The following TMEM39B variants were observed in gnomAD, a reference collection of about 807,000 sequenced individuals.
TMEM39B encodes transmembrane protein 39B.
A neutral mutation model predicts 52.2 loss-of-function variants in TMEM39B; 23 were observed. The observed-to-expected ratio is 0.44, with a 90% CI of 0.32 to 0.62. The LOEUF is 0.62. TMEM39B is among the 20% of genes least tolerant of loss of function. The probability of loss-of-function intolerance (pLI) is 0.06; values close to 1 mark genes in which losing one functional copy is unlikely to be tolerated. For synonymous variants in TMEM39B, 285 were observed against 264.0 expected, an observed-to-expected ratio of 1.08 and a Z score of -0.77; for missense variants, 547 against 642.0, an observed-to-expected ratio of 0.85 and a Z score of 1.60.
At chr1:32,082,976 G>A (rs373419255) in intron 5 of TMEM39B, among the ~76,000 whole-genome samples, 1 of 149,398 alleles carries the variant, frequency 6.7e-6, no homozygotes, top group East Asian at 1.9e-4. Flanking sequence ...GGGTTTCACC[G>A]TGTTAGCCAG....
rs971367539 is a variant in TMEM39B at position 32,073,461 on chromosome 1, G to A, written c.4+410G>A. 1.2e-5 allele frequency: 10 copies of A among 836,728 alleles called. No individual in the cohort carries two copies. The South Asian group carries it at 2.1e-4, about 17-fold the overall frequency. 51.8% of individuals were successfully genotyped at this position (836,728 alleles called of 1,614,324 possible). A position where few individuals can be genotyped will look rare whatever the true frequency, so the allele number is the denominator to read the frequency against. On this transcript the variant is annotated intron_variant, in intron 1 of 8. Transcript: ENST00000336294. Reference sequence around the variant, plus strand: ...AGCGGGGAGACTTCCGACTGAGGGAGCCCATTCTGGAGTGGGGCTTCTGGG... The same window carrying A: ...AGCGGGGAGACTTCCGACTGAGGGAACCCATTCTGGAGTGGGGCTTCTGGG...
At chr1:32,095,689 T>G (rs1337461581) in intron 7 of TMEM39B, 1 of 152,538 alleles carries the variant, frequency 6.6e-6, no homozygotes, top group African/African-American at 2.4e-5. Flanking sequence ...CAGGATCACC[T>G]CGGAAGCACA....
Position 32,075,617 on chromosome 1 carries a change from C to T in TMEM39B, c.146C>T (p.Thr49Ile), listed in dbSNP as rs1440316939. The T allele has an allele frequency of 2.6e-6, 4 of 1,551,252 alleles. No homozygotes were observed. In the Admixed American group the frequency reaches 5.9e-5, roughly 23 times the overall value. Reference protein sequence around the residue: ...VRSRTRSSSGTGLSSPPLATQ... With the variant: ...VRSRTRSSSGIGLSSPPLATQ... ...CCCACTGTCAGGAGCAGTTCTGGAA[C>T]AGGCCTCTCCAGCCCTCCTCTGGCC... The change falls in exon 3 of 9, where the codon ACA (threonine) becomes ATA (isoleucine). Residue 49 changes from threonine to isoleucine, a missense_variant. By Grantham distance (89) the Thr-to-Ile change is moderately conservative (BLOSUM62 -1). Transcript: ENST00000336294.
chr1:32,093,910 C>T (rs1349533851), intron 6 of TMEM39B, among the ~76,000 whole-genome samples: 3 of 151,852 alleles, frequency 2.0e-5, no homozygotes, highest in Non-Finnish European at 4.4e-5. Flanking sequence ...GCTCCGCCTC[C>T]CGGGTTCACG....
chr1:32,085,825 G>A (rs1640325801), intron 5 of TMEM39B, among the ~76,000 whole-genome samples: 1 of 151,824 alleles, frequency 6.6e-6, no homozygotes, highest in Non-Finnish European at 1.5e-5. Flanking sequence ...GTTTCATGCT[G>A]CTTGTTTTCC....
chr1:32,101,976 T>G (rs1476740768), intron 8 of TMEM39B, among the ~76,000 whole-genome samples: 1 of 152,132 alleles, frequency 6.6e-6, no homozygotes, highest in Non-Finnish European at 1.5e-5. Flanking sequence ...GTAATAACTT[T>G]CCATGCCTAT....
rs1639869438 is a variant in TMEM39B at position 32,076,549 on chromosome 1, C to T, written c.352-214C>T. On this transcript the variant is annotated intron_variant, in intron 3 of 8. Transcript: ENST00000336294. ...GCAGAGCAAGAGGGCTCACATACCA[C>T]TCTCTTATCCCCAGGGACTGTCCCA... 8 of 687,524 alleles carry T rather than the reference C, an allele frequency of 1.2e-5. 1 individual carries two copies. The highest frequency in any genetic ancestry group is 7.2e-4 in the Middle Eastern group (2 of 2,796). The allele number at this position is 687,524 out of a possible 1,614,324, so 42.6% of individuals were successfully genotyped here.
chr1:32,093,203 A>G (rs539948947), intron 6 of TMEM39B, among the ~76,000 whole-genome samples: 17 of 150,728 alleles, frequency 1.1e-4, no homozygotes, highest in Admixed American at 3.3e-4. Context: ...GGTTCAAGCA[A>G]CTCTCCTGCC....
intron 5 of TMEM39B, among the ~76,000 whole-genome samples, chr1:32,088,133 A>ATAAAAATAAAAATTATGTGACTC (rs1217973487): frequency 1.4e-5 from 2 of 146,140 alleles, no homozygotes; most frequent in African/African-American, 2.5e-5. Context: ...CTCCAAAAAA[A>ATAAAAATAAAAATTATGTGACTC]AAAGCCAGGC....
chr1:32,073,670 A>G, intron 1 of TMEM39B: 1 of 985,730 alleles, frequency 1.0e-6, no homozygotes, highest in Non-Finnish European at 1.2e-6. Flanking sequence ...CAAGTATAAC[A>G]GCGTATGAAC....
intron 7 of TMEM39B, 150 bp from the exon 8 acceptor site, chr1:32,100,292 G>A (rs1640968572): frequency 1.3e-6 from 1 of 780,288 alleles, no homozygotes; most frequent in Admixed American, 3.4e-5. Context: ...ATTTTACAGA[G>A]GAGGCAACTG....
intron 5 of TMEM39B, among the ~76,000 whole-genome samples, chr1:32,089,808 C>T (rs947264891): frequency 5.9e-5 from 9 of 151,476 alleles, no homozygotes; most frequent in Non-Finnish European, 5.9e-5. Context: ...GAGGCTGAGG[C>T]GGGTGGAGGT....
intron 4 of TMEM39B, 115 bp from the exon 5 acceptor site, chr1:32,077,049 C>A: frequency 6.8e-7 from 1 of 1,460,126 alleles, no homozygotes; most frequent in Non-Finnish European, 9.4e-7. Flanking sequence ...TTCTGCCCAG[C>A]CTGCTGTGCC....
intron 5 of TMEM39B, among the ~76,000 whole-genome samples, chr1:32,083,994 GACAC>G (rs59029097): frequency 4.7e-5 from 7 of 150,410 alleles, no homozygotes; most frequent in Non-Finnish European, 7.4e-5. Flanking sequence ...CAGACACACA[GACAC>G]ACACACACAC....
chr1:32,094,225 C>G (rs1640726577), intron 6 of TMEM39B, among the ~76,000 whole-genome samples: 1 of 134,482 alleles, frequency 7.4e-6, no homozygotes, highest in Admixed American at 8.9e-5. Context: ...CTCCCAGGTT[C>G]AAGCTATTCT....
intron 1 of TMEM39B, chr1:32,073,566 C>T: frequency 1.0e-6 from 1 of 990,936 alleles, no homozygotes; most frequent in Non-Finnish European, 1.2e-6. Context: ...GGCTGAGGGG[C>T]TTTATGTGGG....
At chr1:32,086,766 CAA>C (rs894389649) in intron 5 of TMEM39B, among the ~76,000 whole-genome samples, 17 of 137,004 alleles carry the variant, frequency 1.2e-4, no homozygotes, top group Non-Finnish European at 1.1e-4. Context: ...GGCCCTGTCT[CAA>C]AAAAAAAAAA....
chr1:32,074,907 T>C (rs1041024412), intron 1 of TMEM39B, 44 bp from the exon 2 acceptor site: 3 of 1,527,678 alleles, frequency 2.0e-6, no homozygotes, highest in Non-Finnish European at 8.8e-7. Context: ...ATCCTTGATA[T>C]ATGCCCCCTG....
intron 6 of TMEM39B, 133 bp downstream of exon 6, chr1:32,092,144 A>T (rs1640634998): frequency 1.2e-6 from 1 of 803,078 alleles, no homozygotes; most frequent in East Asian, 2.7e-5. Flanking sequence ...GACTGGAGTG[A>T]CTACTATCTC....
Sources: allele counts gnomAD v4.1 joint callset (sites outside exome capture counted in the v4.1 genomes callset), GRCh38; gene constraint gnomAD v4.1.1; transcripts MANE v1.5; gene names NCBI Gene and HGNC (gene_info 2026-07-23, HGNC 2026-07-21).